Variants in COL24A1 observed in about 807,000 individuals in gnomAD.
The protein encoded by COL24A1 is collagen alpha-1(XXIV) chain.
In COL24A1, 224 loss-of-function variants were observed where a neutral mutation model predicts 253.9. The observed-to-expected ratio is 0.88, with a 90% CI of 0.79 to 0.99. The LOEUF (loss-of-function observed/expected upper bound fraction) is 0.99. COL24A1 is among the 50% of genes least tolerant of loss of function. COL24A1 has a pLI of 0.00. For synonymous variants in COL24A1, 685 were observed against 673.7 expected (o/e 1.02, Z -0.26); for missense variants, 2,131 against 2,068.5 (o/e 1.03, Z -0.59).
At chr1:86,061,246 C>T (rs978947810) in intron 8 of COL24A1, among the ~76,000 whole-genome samples, 1 of 152,074 alleles carries the variant, frequency 6.6e-6, no homozygotes, top group African/African-American at 2.4e-5. Context: ...AGTATATTTA[C>T]AACCACCTTC....
intron 47 of COL24A1, among the ~76,000 whole-genome samples, chr1:85,788,890 T>C (rs1669984792): frequency 6.6e-6 from 1 of 152,188 alleles, no homozygotes; most frequent in Non-Finnish European, 1.5e-5. Flanking sequence ...GTCTTATTTC[T>C]GAGTTCTCTA....
In COL24A1 at chr1:85,765,592, T is replaced by C. The variant is rs940728101; in HGVS notation, c.4375-4026A>G. ...ATAAATAAATAAATAAATAAATAAA[T>C]TAGCCAAGTGCAATGACACGCACCT... On this transcript the variant is annotated intron_variant, in intron 53 of 59. Transcript: ENST00000370571. Among the ~76,000 whole-genome samples, 5 of 141,762 alleles carry C rather than the reference T, an allele frequency of 3.5e-5. No individual in the cohort carries two copies. In the East Asian group the frequency reaches 1.0e-3, roughly 30 times the overall value. 93.0% of individuals were successfully genotyped at this position (141,762 alleles called of 152,430 possible). A position where few individuals can be genotyped will look rare whatever the true frequency, so the allele number is the denominator to read the frequency against.
chr1:86,109,272 C>T (rs1557658417), intron 5 of COL24A1, among the ~76,000 whole-genome samples: 1 of 149,360 alleles, frequency 6.7e-6, no homozygotes, highest in African/African-American at 2.5e-5. Flanking sequence ...AGTCGTTTTT[C>T]CTCTCTGAGG....
intron 39 of COL24A1, among the ~76,000 whole-genome samples, chr1:85,846,489 T>C (rs1677157019): frequency 1.3e-5 from 2 of 151,838 alleles, no homozygotes; most frequent in African/African-American, 4.8e-5. Context: ...TTTTGTAACA[T>C]ATTTAACAAA....
chr1:85,976,342 G>A lies in COL24A1; in HGVS notation c.2365-4949C>T, dbSNP rs140207210. On this transcript the variant is annotated intron_variant, in intron 20 of 59. Coordinates refer to ENST00000370571, the MANE Select transcript of COL24A1 (RefSeq NM_152890.7). ...AGGGGCAAAACCGACCTCTACATGG[G>A]AGCTGGGTAAGACCTAATGCTACCG... Among the ~76,000 whole-genome samples the A allele has an allele frequency of 2.5e-3, 380 of 152,252 alleles. 1 individual carries two copies. The highest frequency in any genetic ancestry group is 7.8e-3 in the African/African-American group (325 of 41,564).
chr1:85,814,219 A>AT (rs1672846772), intron 47 of COL24A1, among the ~76,000 whole-genome samples: 1 of 152,184 alleles, frequency 6.6e-6, no homozygotes, highest in Non-Finnish European at 1.5e-5. Context: ...TAGCCTCATC[A>AT]TCTGGCCTTA....
chr1:86,152,787 T>C (rs981966175), intron 1 of COL24A1, among the ~76,000 whole-genome samples: 2 of 152,214 alleles, frequency 1.3e-5, no homozygotes, highest in Non-Finnish European at 2.9e-5. Flanking sequence ...TGGCACATAC[T>C]AGTGTTAGAT....
chr1:85,910,038 A>C (rs368430102), intron 25 of COL24A1, 35 bp from the exon 26 acceptor site: 2 of 1,568,020 alleles, frequency 1.3e-6, no homozygotes, highest in Non-Finnish European at 1.8e-6. Flanking sequence ...AGTAACATAG[A>C]GGCATATTAA....
chr1:86,144,342 C>A (rs1043007951), intron 2 of COL24A1, among the ~76,000 whole-genome samples: 2 of 152,038 alleles, frequency 1.3e-5, no homozygotes, highest in African/African-American at 4.8e-5. Context: ...TCTTTCTTTG[C>A]ATGGGTTTCT....
intron 24 of COL24A1, among the ~76,000 whole-genome samples, chr1:85,940,960 T>C (rs941783729): frequency 6.6e-6 from 1 of 152,178 alleles, no homozygotes; most frequent in African/African-American, 2.4e-5. Context: ...TGAATGAGTC[T>C]CTTGGTAATA....
At chr1:85,907,299 G>T in intron 27 of COL24A1, 52 bp from the exon 28 acceptor site, 1 of 1,379,898 alleles carries the variant, frequency 7.2e-7, no homozygotes, top group Non-Finnish European at 1.0e-6. Context: ...AATACTATCA[G>T]AATAATAGCC....
chr1:85,921,372 T>A (rs973584974), intron 24 of COL24A1, among the ~76,000 whole-genome samples: 1 of 152,168 alleles, frequency 6.6e-6, no homozygotes, highest in African/African-American at 2.4e-5. Flanking sequence ...GGCAGCAGCC[T>A]GGCAGGGGGA....
At chr1:86,083,439 C>A (rs1168049940) in intron 7 of COL24A1, among the ~76,000 whole-genome samples, 1 of 151,658 alleles carries the variant, frequency 6.6e-6, no homozygotes, top group East Asian at 1.9e-4. Flanking sequence ...GAACAAATTT[C>A]AGGACAAAAA....
At chr1:85,815,238 G>A (rs957816132) in intron 47 of COL24A1, among the ~76,000 whole-genome samples, 1 of 152,114 alleles carries the variant, frequency 6.6e-6, no homozygotes, top group Admixed American at 6.6e-5. Flanking sequence ...AATTCAAAGG[G>A]TTTTACTGTT....
At chr1:85,966,303 A>AC (rs1691565974) in intron 22 of COL24A1, among the ~76,000 whole-genome samples, 1 of 152,110 alleles carries the variant, frequency 6.6e-6, no homozygotes, top group African/African-American at 2.4e-5. Flanking sequence ...TAAGTTTTGG[A>AC]CATGTTAGTT....
At chr1:86,147,292 C>T (rs1470504237) in intron 1 of COL24A1, among the ~76,000 whole-genome samples, 5 of 152,006 alleles carry the variant, frequency 3.3e-5, no homozygotes, top group African/African-American at 4.8e-5. Flanking sequence ...ATATATAATT[C>T]GACTATTTAT....
Position 86,125,193 on chromosome 1 carries a change from A to C in COL24A1, c.1143T>G (p.Asp381Glu). 1 of 1,613,584 alleles carries C rather than the reference A, an allele frequency of 6.2e-7. No homozygotes were observed. Among genetic ancestry groups the C allele is most frequent in the Non-Finnish European group, 8.5e-7 (1 of 1,179,720 alleles). ...LNMSDNITQH[D>E]DRVTGLSLFK... ...ACAGTGACAGACCAGTTACTCTATC[A>C]TCATGTTGTGTGATATTGTCAGACA... The change falls in exon 3 of 60, where the codon GAT (aspartate) becomes GAG (glutamate). Residue 381 changes from aspartate to glutamate, a missense_variant. Physicochemically the swap from Asp to Glu is conservative, Grantham distance 45. Transcript: ENST00000370571.
Position 86,057,316 on chromosome 1 carries a change from C to T in COL24A1, c.1851+615G>A, listed in dbSNP as rs118056505. 2.4e-3 allele frequency among the ~76,000 whole-genome samples: 372 copies of T among 152,332 alleles called. 10 individuals carry two copies. In the East Asian group the frequency reaches 0.046, roughly 19 times the overall value. ...CAAGATGCAAATGCTGGAGCCATAT[C>T]TGCATGGACTGCACAACTATGAGCC... On this transcript the variant is annotated intron_variant, in intron 10 of 59. Coordinates refer to ENST00000370571, the MANE Select transcript of COL24A1 (RefSeq NM_152890.7).
At chr1:86,109,463 A>G (rs1163335830) in intron 5 of COL24A1, among the ~76,000 whole-genome samples, 6 of 152,230 alleles carry the variant, frequency 3.9e-5, no homozygotes, top group South Asian at 4.1e-4. Flanking sequence ...CTACAGCACT[A>G]TGAGCAGGTA....
Sources: allele counts gnomAD v4.1 joint callset (sites outside exome capture counted in the v4.1 genomes callset), GRCh38; gene constraint gnomAD v4.1.1; transcripts MANE v1.5; gene names NCBI Gene and HGNC (gene_info 2026-07-23, HGNC 2026-07-21).